Variants in HYCC2 observed in about 807,000 individuals in gnomAD.
HYCC2 encodes hyccin PI4KA lipid kinase complex subunit 2.
chr2:201,054,083 CAGA>C, the HYCC2 span, among the ~76,000 whole-genome samples: 2 of 152,148 alleles, frequency 1.3e-5, no homozygotes, highest in East Asian at 3.8e-4. Context: ...CCTGGGAATC[CAGA>C]AGGTCATATT....
chr2:201,019,282 T>G, the HYCC2 span, among the ~76,000 whole-genome samples: 1 of 152,278 alleles, frequency 6.6e-6, no homozygotes, highest in East Asian at 1.9e-4. Context: ...GACCTTAAAC[T>G]CCTCTTTCTC....
At chr2:201,027,660 A>G in the HYCC2 span, among the ~76,000 whole-genome samples, 1 of 152,218 alleles carries the variant, frequency 6.6e-6, no homozygotes, top group Non-Finnish European at 1.5e-5. Context: ...CTGGTTCAAC[A>G]TACGCAAATC....
At chr2:201,046,832 T>A in the HYCC2 span, among the ~76,000 whole-genome samples, 2 of 152,186 alleles carry the variant, frequency 1.3e-5, no homozygotes, top group Non-Finnish European at 2.9e-5. Context: ...CAGAGAAAAA[T>A]GTGATCCCTA....
the HYCC2 span, among the ~76,000 whole-genome samples, chr2:201,004,021 G>C: frequency 3.3e-5 from 5 of 151,882 alleles, no homozygotes; most frequent in African/African-American, 9.6e-5. Flanking sequence ...ACCATGTTTT[G>C]GTCAGGCTGG....
At chr2:201,054,835 A>T in the HYCC2 span, among the ~76,000 whole-genome samples, 1 of 152,170 alleles carries the variant, frequency 6.6e-6, no homozygotes, top group African/African-American at 2.4e-5. Flanking sequence ...GAATTTTTTT[A>T]ATTTTAATTT....
chr2:201,053,316 T>C, the HYCC2 span, among the ~76,000 whole-genome samples: 91 of 151,876 alleles, frequency 6.0e-4, no homozygotes, highest in Non-Finnish European at 4.1e-4. Context: ...AGAAGCGGGG[T>C]TTCACCATAT....
the HYCC2 span, chr2:201,011,558 G>T: frequency 1.4e-6 from 1 of 723,216 alleles, no homozygotes. Context: ...CAGAATATAT[G>T]ATTGGCAGTA....
the HYCC2 span, among the ~76,000 whole-genome samples, chr2:201,046,860 C>T: frequency 6.6e-6 from 1 of 152,142 alleles, no homozygotes; most frequent in Non-Finnish European, 1.5e-5. Flanking sequence ...CACTGCATAG[C>T]ACCTCTATGG....
chr2:201,010,103 C>CA, the HYCC2 span, among the ~76,000 whole-genome samples: 6,677 of 70,352 alleles, frequency 0.095, 209 homozygotes, highest in African/African-American at 0.15. Flanking sequence ...GACTCTGTCT[C>CA]AAAAAAAAAA....
chr2:201,051,970 C>T, the HYCC2 span, among the ~76,000 whole-genome samples: 1 of 152,106 alleles, frequency 6.6e-6, no homozygotes, highest in Non-Finnish European at 1.5e-5. Context: ...GATGGAGTGA[C>T]AGAAAGTGAA....
the HYCC2 span, among the ~76,000 whole-genome samples, chr2:201,025,449 AAAAG>A: frequency 4.6e-5 from 7 of 151,306 alleles, no homozygotes; most frequent in South Asian, 2.1e-4. Context: ...AAAGAAAGAA[AAAAG>A]AAAGAAAGAA....
chr2:201,017,590 C>T, the HYCC2 span, among the ~76,000 whole-genome samples: 1 of 152,116 alleles, frequency 6.6e-6, no homozygotes, highest in African/African-American at 2.4e-5. Context: ...ATGATTTAAG[C>T]AAATTATATA....
chr2:201,027,275 A>C, the HYCC2 span, among the ~76,000 whole-genome samples: 1 of 152,192 alleles, frequency 6.6e-6, no homozygotes, highest in African/African-American at 2.4e-5. Flanking sequence ...AAGAAGTTGA[A>C]TCTCTGAATA....
the HYCC2 span, among the ~76,000 whole-genome samples, chr2:201,066,195 A>G: frequency 4.0e-5 from 6 of 151,832 alleles, no homozygotes; most frequent in Admixed American, 1.3e-4. Context: ...TGCCTCAGCC[A>G]TTCCAGTAGC....
the HYCC2 span, among the ~76,000 whole-genome samples, chr2:201,069,240 G>A: frequency 5.8e-4 from 88 of 152,142 alleles, no homozygotes; most frequent in African/African-American, 2.0e-3. Flanking sequence ...TTAAAGGGCC[G>A]GGCTAAAAAA....
the HYCC2 span, among the ~76,000 whole-genome samples, chr2:201,053,184 G>A: frequency 6.6e-5 from 10 of 151,734 alleles, no homozygotes; most frequent in South Asian, 1.7e-3. Flanking sequence ...GCACAATGGC[G>A]CAATCTCCAG....
At chr2:201,009,914 T>C in the HYCC2 span, among the ~76,000 whole-genome samples, 5 of 151,724 alleles carry the variant, frequency 3.3e-5, no homozygotes, top group East Asian at 2.0e-4. Flanking sequence ...CCATCCTGGC[T>C]AACACAGTGA....
At chr2:201,043,787 T>G in the HYCC2 span, among the ~76,000 whole-genome samples, 1 of 152,100 alleles carries the variant, frequency 6.6e-6, no homozygotes, top group Non-Finnish European at 1.5e-5. Flanking sequence ...GGATTACAGG[T>G]GTGAGCCACC....
chr2:201,033,505 G>A, the HYCC2 span, among the ~76,000 whole-genome samples: 4,188 of 151,688 alleles, frequency 0.028, 107 homozygotes, highest in Middle Eastern at 0.089. Context: ...CCGGGTTCAC[G>A]CCATTCTCCT....
Sources: gnomAD v4.1 joint callset for allele counts (sites outside exome capture counted in the v4.1 genomes callset) on GRCh38, gnomAD v4.1.1 for gene constraint, MANE v1.5 for transcripts, NCBI Gene and HGNC (gene_info 2026-07-23, HGNC 2026-07-21) for gene names.